RBFOX1: variants seen among roughly 807,000 people sequenced by gnomAD.
RBFOX1 encodes RNA binding protein fox-1 homolog 1.
RBFOX1 carries 8 observed loss-of-function variants against 57.7 expected under a neutral mutation model. That is an observed-to-expected ratio of 0.14 (90% CI 0.08 to 0.25). The LOEUF (loss-of-function observed/expected upper bound fraction) is 0.25. Among genes scored for constraint, RBFOX1 ranks in the 10% least tolerant of loss-of-function variants. RBFOX1 has a pLI of 1.00. For synonymous variants in RBFOX1, 326 were observed against 222.4 expected (o/e 1.47, Z -4.15); for missense variants, 611 against 548.5 (o/e 1.11, Z -1.14).
chr16:5,786,670 G>A lies in RBFOX1; in HGVS notation c.319-80633G>A, dbSNP rs537382087. Among the ~76,000 whole-genome samples, 10 of 152,184 alleles carry A rather than the reference G, an allele frequency of 6.6e-5. No individual in the cohort carries two copies. In the South Asian group the frequency reaches 2.1e-3, roughly 32 times the overall value. ...GCCCACTGCCCTCATCCCAAACCTG[G>A]ACATCATCCCTGACAGTGCCTCTTT... On this transcript the variant is annotated intron_variant, in intron 3 of 19. Transcript: ENST00000641259.
chr16:7,587,790 G>C (rs1476851792), intron 7 of RBFOX1, among the ~76,000 whole-genome samples: 2 of 152,180 alleles, frequency 1.3e-5, no homozygotes, highest in Admixed American at 1.3e-4. Flanking sequence ...ATTGCTTTGA[G>C]TTTGTTTTTT....
At chr16:7,239,024 T>A (rs555114985) in intron 4 of RBFOX1, among the ~76,000 whole-genome samples, 2 of 152,346 alleles carry the variant, frequency 1.3e-5, no homozygotes, top group South Asian at 2.1e-4. Context: ...TACCACACTT[T>A]CTTTATCCAG....
intron 5 of RBFOX1, among the ~76,000 whole-genome samples, chr16:7,569,272 G>A (rs535417189): frequency 6.6e-6 from 1 of 152,242 alleles, no homozygotes; most frequent in Admixed American, 6.5e-5. Flanking sequence ...AGTGTAGCAT[G>A]GGAATCACCA....
chr16:5,847,549 G>C (rs913974015), intron 3 of RBFOX1, among the ~76,000 whole-genome samples: 3 of 152,166 alleles, frequency 2.0e-5, no homozygotes, highest in South Asian at 4.1e-4. Flanking sequence ...TTTTATTAGA[G>C]GTATGTCACG....
At chr16:5,438,041 A>T (rs1257640065) in intron 1 of RBFOX1, among the ~76,000 whole-genome samples, 2 of 152,224 alleles carry the variant, frequency 1.3e-5, no homozygotes, top group African/African-American at 2.4e-5. Flanking sequence ...AAATAAATGC[A>T]AAAGCTGAAT....
chr16:6,255,259 C>G (rs2097653267), intron 1 of RBFOX1, among the ~76,000 whole-genome samples: 1 of 152,162 alleles, frequency 6.6e-6, no homozygotes, highest in Non-Finnish European at 1.5e-5. Context: ...GCCACAGAGC[C>G]TCCATTCCCA....
At chr16:5,248,089 G>C (rs774495505) in intron 1 of RBFOX1, among the ~76,000 whole-genome samples, 1 of 152,130 alleles carries the variant, frequency 6.6e-6, no homozygotes, top group Non-Finnish European at 1.5e-5. Flanking sequence ...ATCTCACCTC[G>C]CACAGCTTAC....
intron 4 of RBFOX1, among the ~76,000 whole-genome samples, chr16:5,986,594 ATGT>A (rs2060291374): frequency 6.6e-6 from 1 of 152,180 alleles, no homozygotes; most frequent in Admixed American, 6.5e-5. Flanking sequence ...TGTATCTAAA[ATGT>A]TGTCATTCCT....
At chr16:7,143,456 G>A (rs927924391) in intron 4 of RBFOX1, among the ~76,000 whole-genome samples, 4 of 152,192 alleles carry the variant, frequency 2.6e-5, no homozygotes, top group African/African-American at 9.6e-5. Context: ...CAGTAATTTA[G>A]AATCTGTCTG....
At chr16:6,726,920 C>G (rs970758972) in intron 3 of RBFOX1, among the ~76,000 whole-genome samples, 3 of 151,986 alleles carry the variant, frequency 2.0e-5, no homozygotes, top group African/African-American at 4.8e-5. Flanking sequence ...ATAAAGGACA[C>G]TTTCAGGACA....
At chr16:6,541,657 A>G (rs2096821395) in intron 2 of RBFOX1, among the ~76,000 whole-genome samples, 1 of 152,202 alleles carries the variant, frequency 6.6e-6, no homozygotes, top group African/African-American at 2.4e-5. Flanking sequence ...TGGAAATTTA[A>G]TTGTAGGAAG....
At chr16:6,677,018 C>A (rs1241805994) in intron 3 of RBFOX1, among the ~76,000 whole-genome samples, 1 of 152,058 alleles carries the variant, frequency 6.6e-6, no homozygotes, top group African/African-American at 2.4e-5. Flanking sequence ...GACCAAAAGA[C>A]TTGAAAAAGA....
At chr16:5,812,515 G>A (rs903169520) in intron 3 of RBFOX1, among the ~76,000 whole-genome samples, 1 of 148,864 alleles carries the variant, frequency 6.7e-6, no homozygotes, top group Non-Finnish European at 1.5e-5. Flanking sequence ...CGGGAGTGCA[G>A]TGGTGCAGTC....
intron 4 of RBFOX1, among the ~76,000 whole-genome samples, chr16:7,215,360 C>G (rs983373159): frequency 2.6e-5 from 4 of 152,146 alleles, no homozygotes; most frequent in African/African-American, 7.2e-5. Flanking sequence ...TATAAAGACA[C>G]CTGCACATGT....
intron 4 of RBFOX1, among the ~76,000 whole-genome samples, chr16:7,177,660 G>GGT (rs2081948474): frequency 6.6e-6 from 1 of 152,118 alleles, no homozygotes; most frequent in African/African-American, 2.4e-5. Context: ...TGAACCAGGA[G>GGT]GTAGGGCACT....
At chr16:7,212,070 G>A (rs2091250715) in intron 4 of RBFOX1, among the ~76,000 whole-genome samples, 1 of 152,106 alleles carries the variant, frequency 6.6e-6, no homozygotes, top group South Asian at 2.1e-4. Context: ...ACAAGTCACT[G>A]GAGTGATGAT....
intron 1 of RBFOX1, among the ~76,000 whole-genome samples, chr16:6,032,882 GTT>G (rs34481482): frequency 7.1e-6 from 1 of 140,028 alleles, no homozygotes. Flanking sequence ...CCTAGTGTAA[GTT>G]TTTTTTTTTT....
chr16:7,669,359 A>G (rs2070600745), intron 13 of RBFOX1, among the ~76,000 whole-genome samples: 1 of 152,258 alleles, frequency 6.6e-6, no homozygotes, highest in African/African-American at 2.4e-5. Context: ...TTACAAATGA[A>G]AAGAGGGAGA....
intron 4 of RBFOX1, among the ~76,000 whole-genome samples, chr16:7,058,182 G>A (rs773267590): frequency 2.6e-5 from 4 of 152,080 alleles, no homozygotes; most frequent in Admixed American, 1.3e-4. Context: ...GCTTTCAGGC[G>A]AACACTAACT....
Sources: gnomAD v4.1 joint callset for allele counts (sites outside exome capture counted in the v4.1 genomes callset) on GRCh38, gnomAD v4.1.1 for gene constraint, MANE v1.5 for transcripts, NCBI Gene and HGNC (gene_info 2026-07-23, HGNC 2026-07-21) for gene names.